The following ABL1 variants were observed in gnomAD, a reference collection of about 807,000 sequenced individuals.
ABL1 encodes tyrosine-protein kinase ABL1.
In ABL1, 11 loss-of-function variants were observed where a neutral mutation model predicts 94.7. That is an observed-to-expected ratio of 0.12 (90% confidence interval 0.07 to 0.19). The LOEUF (loss-of-function observed/expected upper bound fraction) is 0.19, where lower values mean the gene tolerates loss of function less well. Ranked by LOEUF, ABL1 falls within the 10% of genes least tolerant of loss-of-function variation. The pLI, the probability that ABL1 is intolerant of heterozygous loss-of-function variation, is 1.00. For synonymous variants in ABL1, 656 were observed against 622.4 expected, an observed-to-expected ratio of 1.05 and a Z score of -0.80; for missense variants, 1,082 against 1,489.4, an observed-to-expected ratio of 0.73 and a Z score of 4.50.
chr9:130,736,623 C>T (rs2132704962), intron 1 of ABL1, among the ~76,000 whole-genome samples: 1 of 151,874 alleles, frequency 6.6e-6, no homozygotes, highest in South Asian at 2.1e-4. Context: ...TCCCAAGTAG[C>T]TGGGATTACA....
At chr9:130,728,212 C>T (rs1419999616) in intron 1 of ABL1, among the ~76,000 whole-genome samples, 1 of 133,950 alleles carries the variant, frequency 7.5e-6, no homozygotes, top group Non-Finnish European at 1.5e-5. Context: ...TATGGGCATG[C>T]GCCACCATGT....
intron 1 of ABL1, among the ~76,000 whole-genome samples, chr9:130,816,700 C>A (rs866238570): frequency 6.6e-6 from 1 of 151,898 alleles, no homozygotes; most frequent in Non-Finnish European, 1.5e-5. Context: ...GGTAGCTGGT[C>A]CCAAGTAAGT....
At chr9:130,724,724 G>A (rs1187465154) in intron 1 of ABL1, 2 of 406,698 alleles carry the variant, frequency 4.9e-6, no homozygotes, top group East Asian at 6.2e-5. Context: ...TCCAGCCTGG[G>A]CGACAGAGCG....
chr9:130,723,931 C>T (rs1420657315), intron 1 of ABL1, among the ~76,000 whole-genome samples: 40 of 151,786 alleles, frequency 2.6e-4, no homozygotes, highest in Admixed American at 2.2e-3. Flanking sequence ...CCTGCCTCAG[C>T]CTCCCGAGTA....
intron 8 of ABL1, among the ~76,000 whole-genome samples, chr9:130,879,087 G>A (rs1276792300): frequency 2.6e-5 from 4 of 152,080 alleles, no homozygotes; most frequent in Non-Finnish European, 4.4e-5. Flanking sequence ...ATGTTAGTCA[G>A]GCTGGTCTCC....
intron 1 of ABL1, among the ~76,000 whole-genome samples, chr9:130,762,774 G>C (rs1832132030): frequency 6.6e-6 from 1 of 152,038 alleles, no homozygotes; most frequent in Non-Finnish European, 1.5e-5. Flanking sequence ...GGCCGGGTGT[G>C]GTAGCGGGTG....
At chr9:130,725,058 C>T (rs1831563796) in intron 1 of ABL1, 1 of 203,300 alleles carries the variant, frequency 4.9e-6, no homozygotes, top group South Asian at 7.8e-5. Flanking sequence ...CATCTCCCTT[C>T]TGTGTTTATT....
intron 10 of ABL1, among the ~76,000 whole-genome samples, chr9:130,882,798 T>G (rs1831483519): frequency 6.6e-6 from 1 of 152,146 alleles, no homozygotes; most frequent in Non-Finnish European, 1.5e-5. Flanking sequence ...CCTCCCAAAG[T>G]GCTGGGATGA....
chr9:130,817,655 G>A (rs948829127), intron 1 of ABL1, among the ~76,000 whole-genome samples: 3 of 152,198 alleles, frequency 2.0e-5, no homozygotes, highest in African/African-American at 7.2e-5. Flanking sequence ...CCTTTCTGCA[G>A]AAAGTAAAAA....
chr9:130,780,717 A>T (rs1037673699), intron 1 of ABL1, among the ~76,000 whole-genome samples: 10 of 152,210 alleles, frequency 6.6e-5, no homozygotes, highest in Non-Finnish European at 1.0e-4. Flanking sequence ...CACTGGAGAC[A>T]TTTGGGCTGG....
intron 1 of ABL1, among the ~76,000 whole-genome samples, chr9:130,775,429 A>G (rs543821473): frequency 5.3e-5 from 8 of 152,352 alleles, no homozygotes; most frequent in African/African-American, 1.9e-4. Context: ...ATGAAGAAAA[A>G]TCAAATAATT....
chr9:130,841,387 G>A (rs529142919), intron 1 of ABL1, among the ~76,000 whole-genome samples: 15 of 151,968 alleles, frequency 9.9e-5, no homozygotes, highest in East Asian at 9.8e-4. Context: ...GATTACAGGC[G>A]TGAGCCACTG....
At chr9:130,736,756 G>A (rs1831749953) in intron 1 of ABL1, among the ~76,000 whole-genome samples, 1 of 152,238 alleles carries the variant, frequency 6.6e-6, no homozygotes. Flanking sequence ...CTCCCAAAGT[G>A]CTGGGATTAC....
At chr9:130,860,065 C>T (rs1831046964) in intron 3 of ABL1, among the ~76,000 whole-genome samples, 1 of 152,158 alleles carries the variant, frequency 6.6e-6, no homozygotes, top group Non-Finnish European at 1.5e-5. Context: ...TGACTGAGCA[C>T]CTGAGTGTTC....
intron 1 of ABL1, among the ~76,000 whole-genome samples, chr9:130,827,073 G>A (rs1296476928): frequency 1.3e-5 from 2 of 151,954 alleles, no homozygotes; most frequent in African/African-American, 2.4e-5. Context: ...GCAAGACTCC[G>A]CCTCAGAAAA....
intron 1 of ABL1, among the ~76,000 whole-genome samples, chr9:130,780,163 C>T (rs1394956444): frequency 2.0e-5 from 3 of 152,074 alleles, no homozygotes; most frequent in South Asian, 4.1e-4. Flanking sequence ...GGCAGGCACC[C>T]GTAATCCCAG....
chr9:130,813,589 A>T (rs1300734051), intron 1 of ABL1, among the ~76,000 whole-genome samples: 1 of 151,214 alleles, frequency 6.6e-6, no homozygotes, highest in East Asian at 1.9e-4. Context: ...AAAAAAAGAA[A>T]GTATGATCTC....
At chr9:130,766,752 G>C (rs1832188893) in intron 1 of ABL1, among the ~76,000 whole-genome samples, 1 of 152,002 alleles carries the variant, frequency 6.6e-6, no homozygotes, top group South Asian at 2.1e-4. Flanking sequence ...TGCTGTCAGG[G>C]CTACCACCCC....
At chr9:130,864,715 C>A (rs1216585601) in intron 4 of ABL1, among the ~76,000 whole-genome samples, 2 of 152,186 alleles carry the variant, frequency 1.3e-5, no homozygotes, top group Non-Finnish European at 2.9e-5. Context: ...GTCCTCGGGA[C>A]ACCACCAGGG....
Sources: gnomAD v4.1 joint callset for allele counts (sites outside exome capture counted in the v4.1 genomes callset) on GRCh38, gnomAD v4.1.1 for gene constraint, MANE v1.5 for transcripts, NCBI Gene and HGNC (gene_info 2026-07-23, HGNC 2026-07-21) for gene names.